Variants in MPDZ observed in about 807,000 individuals in gnomAD.
The protein encoded by MPDZ is multiple PDZ domain crumbs cell polarity complex component, also known as multiple PDZ domain protein.
Under a neutral mutation model 239.1 loss-of-function variants are expected in MPDZ, and 234 were observed. The ratio of observed to expected loss-of-function variants is 0.98; its 90% CI spans 0.88 to 1.09. MPDZ has a LOEUF of 1.09. Among genes scored for constraint, MPDZ ranks in the 50% least tolerant of loss-of-function variants. The pLI is 0.00. For synonymous variants in MPDZ, 1,048 were observed against 881.3 expected, an observed-to-expected ratio of 1.19 and a Z score of -3.35; for missense variants, 3,175 against 2,510.0, an observed-to-expected ratio of 1.26 and a Z score of -5.66.
chr9:13,193,972 G>A (rs896409333), intron 13 of MPDZ, among the ~76,000 whole-genome samples: 2 of 152,004 alleles, frequency 1.3e-5, no homozygotes, highest in African/African-American at 4.8e-5. Context: ...TAATGATAAC[G>A]TGCAGAAGTC....
intron 40 of MPDZ, 74 bp downstream of exon 40, chr9:13,115,174 C>G (rs1272021767): frequency 7.7e-6 from 10 of 1,306,922 alleles, no homozygotes; most frequent in Non-Finnish European, 1.1e-5. Context: ...GTACACAGAC[C>G]CACAGTCAGG....
chr9:13,252,270 T>C (rs142471164), intron 1 of MPDZ, among the ~76,000 whole-genome samples: 1 of 152,000 alleles, frequency 6.6e-6, no homozygotes, highest in Non-Finnish European at 1.5e-5. Flanking sequence ...CTTCTGGCAA[T>C]TAAAACACAT....
intron 3 of MPDZ, among the ~76,000 whole-genome samples, chr9:13,244,256 G>A (rs1049729184): frequency 4.6e-5 from 7 of 152,028 alleles, no homozygotes; most frequent in Non-Finnish European, 8.8e-5. Flanking sequence ...TATCCTCAAG[G>A]CTGACAAGTT....
chr9:13,156,279 T>C (rs900251061), intron 24 of MPDZ, among the ~76,000 whole-genome samples: 1 of 152,206 alleles, frequency 6.6e-6, no homozygotes, highest in African/African-American at 2.4e-5. Flanking sequence ...AATCCTAACA[T>C]GGCTCTTACT....
chr9:13,215,058 C>A (rs1158907234), intron 10 of MPDZ, among the ~76,000 whole-genome samples: 2 of 151,942 alleles, frequency 1.3e-5, no homozygotes, highest in Non-Finnish European at 2.9e-5. Context: ...CATCATTGTG[C>A]AACAGGTCTC....
Position 13,121,861 on chromosome 9 carries a change from T to G in MPDZ, c.5109A>C (p.Arg1703Ser). 1 of 1,613,940 alleles carries G rather than the reference T, an allele frequency of 6.2e-7. No individual in the cohort carries two copies. The highest frequency in any genetic ancestry group is 8.5e-7 in the Non-Finnish European group (1 of 1,179,842). Residue 1703 changes from arginine to serine, a missense_variant, in exon 38 of 47, where the codon AGA becomes AGC. By Grantham distance (110) the Arg-to-Ser change is moderately radical. Coordinates refer to ENST00000319217, the MANE Select transcript of MPDZ (RefSeq NM_001378778.1). Reference sequence around the variant, plus strand: ...CATCTCTGTAGAGTGTCAGGCGCACTCTCTGTGGCGTCTGTCTCAGGACAT... The same window carrying G: ...CATCTCTGTAGAGTGTCAGGCGCACGCTCTGTGGCGTCTGTCTCAGGACAT... ...AINVLRQTPQ[R>S]VRLTLYRDEA...
At chr9:13,215,125 T>C (rs979574710) in intron 10 of MPDZ, among the ~76,000 whole-genome samples, 2 of 151,928 alleles carry the variant, frequency 1.3e-5, no homozygotes, top group Non-Finnish European at 2.9e-5. Context: ...AACTCCTCAT[T>C]TCCCCTCTCC....
chr9:13,163,094 C>T (rs1358213532), intron 22 of MPDZ, among the ~76,000 whole-genome samples: 1 of 152,072 alleles, frequency 6.6e-6, no homozygotes, highest in Non-Finnish European at 1.5e-5. Context: ...AGGCTAACAA[C>T]AATTTTTTTT....
chr9:13,259,362 G>A (rs976457067), intron 1 of MPDZ, among the ~76,000 whole-genome samples: 1 of 151,988 alleles, frequency 6.6e-6, no homozygotes, highest in African/African-American at 2.4e-5. Context: ...AAAAGAAAAT[G>A]CAGGGAAGGT....
At chr9:13,214,536 G>C (rs760717519) in intron 10 of MPDZ, among the ~76,000 whole-genome samples, 4 of 151,950 alleles carry the variant, frequency 2.6e-5, no homozygotes, top group Non-Finnish European at 5.9e-5. Flanking sequence ...AAAAGCTACT[G>C]TACTGTACAT....
chr9:13,169,656 A>T (rs536233271), intron 21 of MPDZ, among the ~76,000 whole-genome samples: 1 of 150,920 alleles, frequency 6.6e-6, no homozygotes, highest in East Asian at 1.9e-4. Flanking sequence ...AGGCCATTAC[A>T]AAAAAAAAGA....
At chr9:13,114,775 C>T (rs1210102181) in intron 40 of MPDZ, among the ~76,000 whole-genome samples, 1 of 151,960 alleles carries the variant, frequency 6.6e-6, no homozygotes, top group Admixed American at 6.6e-5. Flanking sequence ...TGGTGCACGC[C>T]TGTAGTCCCA....
At chr9:13,130,670 A>C (rs762984011) in intron 32 of MPDZ, among the ~76,000 whole-genome samples, 2 of 152,370 alleles carry the variant, frequency 1.3e-5, no homozygotes, top group South Asian at 2.1e-4. Context: ...GTAATATTTC[A>C]AAATAAACAG....
At chr9:13,273,179 A>G (rs75655333) in intron 1 of MPDZ, among the ~76,000 whole-genome samples, 1 of 152,120 alleles carries the variant, frequency 6.6e-6, no homozygotes, top group Non-Finnish European at 1.5e-5. Flanking sequence ...ATGAGAAATA[A>G]ATGTATGTTT....
intron 10 of MPDZ, among the ~76,000 whole-genome samples, chr9:13,212,966 T>C (rs1445935494): frequency 2.0e-5 from 3 of 151,916 alleles, no homozygotes; most frequent in African/African-American, 7.2e-5. Flanking sequence ...ACATATCCTA[T>C]ACGTATAAAG....
Position 13,230,481 on chromosome 9 carries a change from A to G in MPDZ, c.184-5898T>C, listed in dbSNP as rs985343333. Among the ~76,000 whole-genome samples, 13 of 152,208 alleles carry G rather than the reference A, an allele frequency of 8.5e-5. No individual in the cohort carries two copies. In the East Asian group the frequency reaches 2.5e-3, roughly 29 times the overall value. Reference sequence around the variant, plus strand: ...ATATTAATATATGCAACTTCAAGATATCAAGGGCATTATGCTGCATGAAGA... The same window carrying G: ...ATATTAATATATGCAACTTCAAGATGTCAAGGGCATTATGCTGCATGAAGA... On this transcript the variant is annotated intron_variant, in intron 3 of 46. Transcript: ENST00000319217.
chr9:13,222,142 G>A (rs1959171145), intron 6 of MPDZ, 91 bp downstream of exon 6: 3 of 1,006,656 alleles, frequency 3.0e-6, no homozygotes, highest in Admixed American at 2.9e-5. Context: ...CTCAAGAAGT[G>A]CAAAGACCCT....
chr9:13,114,173 A>C lies in MPDZ; in HGVS notation c.5467-152T>G, dbSNP rs190319159. Among the ~76,000 whole-genome samples, 10 of 152,082 alleles carry C rather than the reference A, an allele frequency of 6.6e-5. 1 individual carries two copies. In the East Asian group the frequency reaches 1.9e-3, roughly 29 times the overall value. On this transcript the variant is annotated intron_variant, in intron 40 of 46. Transcript: ENST00000319217. ...AGCAATTTAAACACAGTTCCTACTG[A>C]TTTTTTTTCTTTTAAACAGAGAATG...
At chr9:13,150,909 C>T (rs1949078429) in intron 24 of MPDZ, among the ~76,000 whole-genome samples, 1 of 151,880 alleles carries the variant, frequency 6.6e-6, no homozygotes. Context: ...AAAGTATCTG[C>T]TAATAACATA....
Sources: gnomAD v4.1 joint callset for allele counts (sites outside exome capture counted in the v4.1 genomes callset) on GRCh38, gnomAD v4.1.1 for gene constraint, MANE v1.5 for transcripts, NCBI Gene and HGNC (gene_info 2026-07-23, HGNC 2026-07-21) for gene names.